The following TMEM132B variants were observed in gnomAD, a reference collection of about 807,000 sequenced individuals.
TMEM132B encodes transmembrane protein 132B.
A neutral mutation model predicts 90.8 loss-of-function variants in TMEM132B; 18 were observed. That is an observed-to-expected ratio of 0.20 (90% confidence interval 0.14 to 0.29). TMEM132B has a LOEUF of 0.29. Ranked by LOEUF, TMEM132B falls within the 10% of genes least tolerant of loss-of-function variation. The probability of loss-of-function intolerance (pLI) is 1.00; values close to 1 mark genes in which losing one functional copy is unlikely to be tolerated. For synonymous variants in TMEM132B, 504 were observed against 523.3 expected (o/e 0.96, Z 0.50); for missense variants, 1,096 against 1,326.8 (o/e 0.83, Z 2.70).
intron 2 of TMEM132B, among the ~76,000 whole-genome samples, chr12:125,367,796 C>G (rs1878178033): frequency 6.6e-6 from 1 of 152,104 alleles, no homozygotes; most frequent in African/African-American, 2.4e-5. Context: ...AGGACCAACT[C>G]TAGTATCTCA....
chr12:125,210,978 G>A (rs7957730), intron 1 of TMEM132B, among the ~76,000 whole-genome samples: 40,972 of 151,896 alleles, frequency 0.27, 6,269 homozygotes, highest in East Asian at 0.38. Context: ...AGAAAGTACA[G>A]GAGAATCACT....
intron 1 of TMEM132B, among the ~76,000 whole-genome samples, chr12:125,343,832 G>A (rs372616334): frequency 6.6e-6 from 1 of 152,122 alleles, no homozygotes; most frequent in East Asian, 1.9e-4. Context: ...TGACCACAGT[G>A]GTGTGATATT....
chr12:125,314,226 GC>G (rs1876197939), intron 1 of TMEM132B, among the ~76,000 whole-genome samples: 1 of 152,122 alleles, frequency 6.6e-6, no homozygotes, highest in Non-Finnish European at 1.5e-5. Context: ...ATGCAAACCG[GC>G]CTTGACTTCT....
chr12:125,383,783 A>G (rs1303541592), intron 2 of TMEM132B, among the ~76,000 whole-genome samples: 1 of 152,266 alleles, frequency 6.6e-6, no homozygotes, highest in East Asian at 1.9e-4. Context: ...TCCAAGCTAG[A>G]TAGGCGAAGG....
At chr12:125,564,900 C>T (rs561419544) in intron 4 of TMEM132B, among the ~76,000 whole-genome samples, 1 of 152,226 alleles carries the variant, frequency 6.6e-6, no homozygotes, top group Non-Finnish European at 1.5e-5. Context: ...TTTGAGGAAG[C>T]GGTTGATTCT....
chr12:125,328,145 G>A lies in TMEM132B; in HGVS notation c.68-21307G>A, dbSNP rs76355250. Reference sequence around the variant, plus strand: ...TGATGTCTTAACCGTGTTATATCAAGTGGTGCCATGAACCTGGGACCTCAG... The same window carrying A: ...TGATGTCTTAACCGTGTTATATCAAATGGTGCCATGAACCTGGGACCTCAG... On this transcript the variant is annotated intron_variant, in intron 1 of 8. Coordinates refer to ENST00000682704, the MANE Select transcript of TMEM132B (RefSeq NM_001366854.1). 5.9e-3 allele frequency among the ~76,000 whole-genome samples: 901 copies of A among 152,334 alleles called. 8 individuals carry two copies. The highest frequency in any genetic ancestry group is 0.021 in the African/African-American group (861 of 41,570).
intron 1 of TMEM132B, among the ~76,000 whole-genome samples, chr12:125,336,474 A>C (rs184033961): frequency 6.6e-6 from 1 of 152,370 alleles, no homozygotes; most frequent in East Asian, 1.9e-4. Context: ...TATGCCAGCT[A>C]TGACTGACCT....
intron 5 of TMEM132B, among the ~76,000 whole-genome samples, chr12:125,591,066 G>T (rs986268112): frequency 7.2e-5 from 11 of 152,042 alleles, no homozygotes; most frequent in African/African-American, 2.4e-4. Context: ...GGTGGGGAGT[G>T]GCACGCTGGT....
At chr12:125,626,673 C>A (rs1458871221) in intron 5 of TMEM132B, among the ~76,000 whole-genome samples, 2 of 151,914 alleles carry the variant, frequency 1.3e-5, no homozygotes, top group Non-Finnish European at 2.9e-5. Context: ...TAATTGTTAT[C>A]CATCTTCTTC....
At chr12:125,625,132 T>TTTTTTTTC (rs1886201921) in intron 5 of TMEM132B, among the ~76,000 whole-genome samples, 1 of 128,116 alleles carries the variant, frequency 7.8e-6, no homozygotes, top group Non-Finnish European at 1.6e-5. Flanking sequence ...TTTGACTTCT[T>TTTTTTTTC]TTTTTTTTTT....
chr12:125,412,886 G>A (rs1289479385), intron 2 of TMEM132B, among the ~76,000 whole-genome samples: 2 of 152,058 alleles, frequency 1.3e-5, no homozygotes, highest in African/African-American at 2.4e-5. Context: ...AGAAAGCTTT[G>A]TGAAAGTAGC....
At chr12:125,613,996 G>A (rs1342525498) in intron 5 of TMEM132B, among the ~76,000 whole-genome samples, 1 of 151,818 alleles carries the variant, frequency 6.6e-6, no homozygotes. Flanking sequence ...TCATGTTATT[G>A]GCCCAACAAT....
intron 4 of TMEM132B, among the ~76,000 whole-genome samples, chr12:125,573,317 G>A (rs1332224277): frequency 6.6e-6 from 1 of 152,144 alleles, no homozygotes; most frequent in African/African-American, 2.4e-5. Flanking sequence ...TCCCATCCCA[G>A]TTCATGATTG....
At chr12:125,638,672 G>A (rs990402489) in intron 5 of TMEM132B, among the ~76,000 whole-genome samples, 3 of 151,916 alleles carry the variant, frequency 2.0e-5, no homozygotes, top group Non-Finnish European at 4.4e-5. Context: ...GAAGCCCAAC[G>A]TGCAGTCAGC....
chr12:125,347,875 G>A (rs1877412710), intron 1 of TMEM132B, among the ~76,000 whole-genome samples: 1 of 152,156 alleles, frequency 6.6e-6, no homozygotes, highest in Admixed American at 6.5e-5. Flanking sequence ...ATACATGTAT[G>A]TACTCATGTG....
chr12:125,232,208 TA>T (rs1428391633), intron 1 of TMEM132B, among the ~76,000 whole-genome samples: 2 of 152,232 alleles, frequency 1.3e-5, no homozygotes, highest in African/African-American at 4.8e-5. Context: ...TTCCTCATTA[TA>T]AACAATGCTG....
At chr12:125,378,554 G>C (rs962389680) in intron 2 of TMEM132B, among the ~76,000 whole-genome samples, 2 of 152,174 alleles carry the variant, frequency 1.3e-5, no homozygotes, top group Non-Finnish European at 2.9e-5. Context: ...ATCATGTCTG[G>C]ATTCCAAGAA....
Position 125,583,945 on chromosome 12 carries a change from A to C in TMEM132B, c.1388A>C (p.Asp463Ala), listed in dbSNP as rs1337520061. 1.9e-6 allele frequency: 3 copies of C among 1,613,980 alleles called. No individual in the cohort carries two copies. The highest frequency in any genetic ancestry group is 2.2e-5 in the East Asian group (1 of 44,878). Residue 463 changes from aspartate (D) to alanine (A), a missense_variant, in exon 5 of 9, where the codon GAT becomes GCT. Coordinates refer to ENST00000682704, the MANE Select transcript of TMEM132B (RefSeq NM_001366854.1). ...VGVQEDGSVV[D>A]VSESVECKSA... ...GTCCAGGAGGATGGTTCTGTGGTCG[A>C]TGTGTCTGAGTCTGTGGAATGCAAG...
At chr12:125,639,955 G>T (rs1352613639) in intron 5 of TMEM132B, among the ~76,000 whole-genome samples, 1 of 152,186 alleles carries the variant, frequency 6.6e-6, no homozygotes, top group Non-Finnish European at 1.5e-5. Flanking sequence ...GGGGGTCCAG[G>T]TGGGCTGGTC....
Sources: gnomAD v4.1 joint callset for allele counts (sites outside exome capture counted in the v4.1 genomes callset) on GRCh38, gnomAD v4.1.1 for gene constraint, MANE v1.5 for transcripts, NCBI Gene and HGNC (gene_info 2026-07-23, HGNC 2026-07-21) for gene names.